The following MON2 variants were observed in gnomAD, a reference collection of about 807,000 sequenced individuals.
MON2 encodes the protein MON2 regulator of endosome-to-Golgi trafficking.
Under a neutral mutation model 208.6 loss-of-function variants are expected in MON2, and 84 were observed. That is an observed-to-expected ratio of 0.40 (90% CI 0.34 to 0.48). The LOEUF (loss-of-function observed/expected upper bound fraction) is 0.48, where lower values mean the gene tolerates loss of function less well. Ranked by LOEUF, MON2 falls within the 20% of genes least tolerant of loss-of-function variation. The pLI, the probability that MON2 is intolerant of heterozygous loss-of-function variation, is 0.59. For synonymous variants in MON2, 660 were observed against 694.0 expected (o/e 0.95, Z 0.77); for missense variants, 1,611 against 2,015.4 (o/e 0.80, Z 3.84).
At chr12:62,478,911 T>A (rs894292118) in intron 1 of MON2, among the ~76,000 whole-genome samples, 1 of 152,192 alleles carries the variant, frequency 6.6e-6, no homozygotes, top group Non-Finnish European at 1.5e-5. Context: ...AAAGACTTCA[T>A]GGCTGATTAG....
intron 2 of MON2, among the ~76,000 whole-genome samples, chr12:62,485,579 CAT>C (rs142283732): frequency 0.11 from 17,108 of 152,198 alleles, 1,245 homozygotes; most frequent in Middle Eastern, 0.25. Context: ...AGTTTTATAA[CAT>C]TATGCACAGA....
rs1332257280 is a variant in MON2, at chr12:62,467,292, A to C, written c.85A>C (p.Lys29Gln). 6.2e-7 allele frequency: 1 copy of C among 1,614,098 alleles called. No individual in the cohort carries two copies. Residue 29 changes from lysine (K) to glutamine (Q), a missense_variant, in exon 1 of 35, where the codon AAG becomes CAG. Transcript: ENST00000393630. The stretch of plus-strand genomic sequence containing the variant: ...CTTGCGCGCCTTGTCACTGGAGTGC[A>C]AGAAGAAATTCCCACCTGTCAAAGA... ...SDLRALSLEC[K>Q]KKFPPVKEAA...
At position 62,508,376 on chromosome 12, in the gene MON2, A is replaced by G. The variant is rs2071214691; in HGVS notation, c.880A>G (p.Ser294Gly). 4 of 1,613,894 alleles carry G rather than the reference A, an allele frequency of 2.5e-6. No individual in the cohort carries two copies. Among genetic ancestry groups the G allele is most frequent in the South Asian group, 2.2e-5 (2 of 91,084 alleles). Residue 294 changes from serine (S) to glycine (G), a missense_variant, in exon 8 of 35, where the codon AGC becomes GGC. Coordinates refer to ENST00000393630, the MANE Select transcript of MON2 (RefSeq NM_015026.3). ...SPNIKFRQGS[S>G]TSSSPAPVEK... ...AAATATAAAGTTCAGACAAGGTTCC[A>G]GCACCTCATCTTCTCCAGCACCAGT... is the stretch of plus-strand genomic sequence containing the variant.
intron 4 of MON2, among the ~76,000 whole-genome samples, chr12:62,496,260 A>G (rs2070482471): frequency 6.6e-6 from 1 of 152,062 alleles, no homozygotes. Context: ...TAGCTATCAA[A>G]TTATTGTTCT....
intron 30 of MON2, among the ~76,000 whole-genome samples, chr12:62,574,101 T>A (rs1334138391): frequency 6.6e-6 from 1 of 152,194 alleles, no homozygotes; most frequent in Non-Finnish European, 1.5e-5. Flanking sequence ...CCTCATCTGT[T>A]AAATGTCAAT....
Position 62,535,678 on chromosome 12 carries a change from T to C in MON2, c.1869T>C (p.Asn623=), listed in dbSNP as rs1257849103. The C allele has an allele frequency of 6.2e-7, 1 of 1,612,364 alleles. No homozygotes were observed. The highest frequency in any genetic ancestry group is 1.7e-5 in the Admixed American group (1 of 59,542). ...CCCATTATGCTCTTACTGTATTGAA[T>C]ACCACCACTGCAGCTACACTTTCCA... ...LPPHYALTVL[N]TTTAATLSNK... is the part of the protein sequence containing the mutation. The change falls in exon 14 of 35, where the codon AAT becomes AAC. Residue 623 remains asparagine (N), a synonymous_variant. Transcript: ENST00000393630.
At chr12:62,591,476 C>T (rs148591641) in intron 34 of MON2, among the ~76,000 whole-genome samples, 1 of 152,234 alleles carries the variant, frequency 6.6e-6, no homozygotes, top group African/African-American at 2.4e-5. Context: ...GAAAAAAAAT[C>T]CATAATTAAG....
intron 12 of MON2, among the ~76,000 whole-genome samples, chr12:62,534,159 G>A (rs1274130798): frequency 6.6e-6 from 1 of 152,036 alleles, no homozygotes; most frequent in Admixed American, 6.5e-5. Context: ...GGGAGGCTGA[G>A]GCAGGAGGAT....
At chr12:62,580,615 T>C (rs563996566) in intron 32 of MON2, among the ~76,000 whole-genome samples, 195 bp downstream of exon 32, 1 of 152,292 alleles carries the variant, frequency 6.6e-6, no homozygotes, top group Non-Finnish European at 1.5e-5. Flanking sequence ...AATGTTTTTA[T>C]TCCATGTTTC....
rs1421030688 is a variant in MON2 at position 62,532,519 on chromosome 12, C to T, written c.1482C>T (p.Asp494=). 5 of 1,614,032 alleles carry T rather than the reference C, an allele frequency of 3.1e-6. No individual in the cohort carries two copies. Among genetic ancestry groups the T allele is most frequent in the East Asian group, 4.5e-5 (2 of 44,860 alleles). Residue 494 remains aspartate (D), a synonymous_variant, in exon 12 of 35, where the codon GAC becomes GAT. Coordinates refer to ENST00000393630, the MANE Select transcript of MON2 (RefSeq NM_015026.3). ...AMSVAFHCLL[D]LVRGITSMIE... is the part of the protein sequence containing the mutation. ...CTGTGGCATTCCATTGTTTGCTAGA[C>T]CTTGTTCGTGGAATCACAAGTATGA...
Position 62,595,348 on chromosome 12 carries a change from T to C in MON2, c.*2599T>C, listed in dbSNP as rs186760613. The C allele has an allele frequency of 6.6e-6, 1 of 152,182 alleles. No homozygotes were observed. The highest frequency in any genetic ancestry group is 1.5e-5 in the Non-Finnish European group (1 of 68,062). The allele number at this position is 152,182 out of a possible 1,614,324, so 9.4% of individuals were successfully genotyped here. On this transcript the variant is annotated 3_prime_UTR_variant, in exon 35 of 35. Coordinates refer to ENST00000393630, the MANE Select transcript of MON2 (RefSeq NM_015026.3). ...TTAGTAGAGATGGGGTTTCACCATT[T>C]TGGCCATTCTAGTCTTGAACTCCTG...
intron 19 of MON2, 61 bp from the exon 20 acceptor site, chr12:62,543,036 C>T: frequency 1.1e-6 from 1 of 871,934 alleles, no homozygotes; most frequent in Non-Finnish European, 1.8e-6. Flanking sequence ...CAGTTTTATT[C>T]ATAGTCTAAT....
intron 8 of MON2, among the ~76,000 whole-genome samples, chr12:62,513,694 C>CACCTTTACTCCAGTTCCCAACAAGTT (rs1555165200): frequency 5.4e-5 from 8 of 149,218 alleles, no homozygotes; most frequent in East Asian, 2.1e-4. Context: ...CGCCTGTAAT[C>CACCTTTACTCCAGTTCCCAACAAGTT]CCAGCACTTT....
intron 1 of MON2, among the ~76,000 whole-genome samples, chr12:62,481,636 C>T (rs75560857): frequency 0.032 from 4,927 of 152,222 alleles, 283 homozygotes; most frequent in African/African-American, 0.11. Context: ...CTAATATACA[C>T]TGCCCAAGTA....
Position 62,580,400 on chromosome 12 carries a change from C to A in MON2, c.4679C>A (p.Ser1560Tyr). Residue 1560 changes from serine (S) to tyrosine (Y), a missense_variant, in exon 32 of 35, where the codon TCT becomes TAT. By Grantham distance (144) the Ser-to-Tyr change is moderately radical. Coordinates refer to ENST00000393630, the MANE Select transcript of MON2 (RefSeq NM_015026.3). ...MTMLNKGSIH[S>Y]QSSSFTEAEI... Reference sequence around the variant, plus strand: ...ATGCTTAACAAGGGCTCAATACATTCTCAGTCATCTTCATTTACAGGTATG... The same window carrying A: ...ATGCTTAACAAGGGCTCAATACATTATCAGTCATCTTCATTTACAGGTATG... 1 of 1,601,472 alleles carries A rather than the reference C, an allele frequency of 6.2e-7. No homozygotes were observed. The highest frequency in any genetic ancestry group is 1.7e-5 in the Admixed American group (1 of 58,822).
chr12:62,565,851 T>C lies in MON2; in HGVS notation c.4177-163T>C, dbSNP rs1245291000. On this transcript the variant is annotated intron_variant, in intron 27 of 34. Transcript: ENST00000393630. ...ATATAAAATATTTTTATAGCCATAG[T>C]TGGCAAATTTTAACTTTGTTTAAGT... is the stretch of plus-strand genomic sequence containing the variant. 5 of 589,066 alleles carry C rather than the reference T, an allele frequency of 8.5e-6. No homozygotes were observed. The Admixed American group carries it at 1.4e-4, about 17-fold the overall frequency. 36.5% of individuals were successfully genotyped at this position (589,066 alleles called of 1,614,324 possible).
intron 30 of MON2, among the ~76,000 whole-genome samples, chr12:62,576,764 CTA>C (rs1470552201): frequency 1.3e-5 from 2 of 151,584 alleles, no homozygotes; most frequent in African/African-American, 4.8e-5. Context: ...AATTAAATAA[CTA>C]TTAGTTATCC....
intron 32 of MON2, among the ~76,000 whole-genome samples, chr12:62,583,257 A>C (rs1209644791): frequency 1.3e-5 from 2 of 151,996 alleles, no homozygotes; most frequent in African/African-American, 4.8e-5. Context: ...ACCTGAGCCC[A>C]GGAGAACAAG....
In MON2 at chr12:62,501,627, G is replaced by C; in HGVS notation, c.718G>C (p.Glu240Gln). 6.2e-7 allele frequency: 1 copy of C among 1,614,140 alleles called. No homozygotes were observed. The highest frequency in any genetic ancestry group is 8.5e-7 in the Non-Finnish European group (1 of 1,179,972). ...DAPYWLVGMTEMTRTFGLELL... is the reference protein window; with the variant it reads ...DAPYWLVGMTQMTRTFGLELL... Reference sequence around the variant, plus strand: ...TCCTTATTGGCTAGTGGGCATGACAGAAATGACTCGGACGTTTGGCCTCGA... The same window carrying C: ...TCCTTATTGGCTAGTGGGCATGACACAAATGACTCGGACGTTTGGCCTCGA... The change falls in exon 7 of 35, where the codon GAA (glutamate) becomes CAA (glutamine). Residue 240 changes from glutamate to glutamine, a missense_variant. Physicochemically the swap from Glu to Gln is conservative, Grantham distance 29 (BLOSUM62 2). Transcript: ENST00000393630.
Sources: gnomAD v4.1 joint callset for allele counts (sites outside exome capture counted in the v4.1 genomes callset) on GRCh38, gnomAD v4.1.1 for gene constraint, MANE v1.5 for transcripts, NCBI Gene and HGNC (gene_info 2026-07-23, HGNC 2026-07-21) for gene names.